The following IFIH1 variants were observed in gnomAD, a reference collection of about 807,000 sequenced individuals.
IFIH1 encodes the protein interferon-induced helicase C domain-containing protein 1.
IFIH1 carries 125 observed loss-of-function variants against 107.4 expected under a neutral mutation model. The observed-to-expected ratio is 1.16, with a 90% CI of 1.01 to 1.35. IFIH1 has a LOEUF of 1.35. IFIH1 is among the 40% of genes most tolerant of loss of function. IFIH1 has a pLI of 0.00. For synonymous variants in IFIH1, 458 were observed against 413.2 expected (o/e 1.11, Z -1.31); for missense variants, 1,333 against 1,213.7 (o/e 1.10, Z -1.46).
chr2:162,288,821 C>T (rs75082921), intron 4 of IFIH1, among the ~76,000 whole-genome samples: 5,245 of 151,580 alleles, frequency 0.035, 444 homozygotes, highest in Admixed American at 0.21. Context: ...CTCCCAATTC[C>T]GTATTTCCCC....
intron 4 of IFIH1, among the ~76,000 whole-genome samples, chr2:162,289,041 A>G (rs891952496): frequency 2.6e-5 from 4 of 151,442 alleles, no homozygotes; most frequent in Non-Finnish European, 4.4e-5. Context: ...AGAGGAAAAA[A>G]CTCTTCCTAT....
At chr2:162,283,981 T>A (rs747997876) in intron 5 of IFIH1, among the ~76,000 whole-genome samples, 5 of 144,994 alleles carry the variant, frequency 3.4e-5, no homozygotes, top group Non-Finnish European at 7.4e-5. Context: ...TTCATTTAGT[T>A]CTTTTTTTTT....
At chr2:162,279,524 T>A (rs1682769148) in intron 8 of IFIH1, among the ~76,000 whole-genome samples, 1 of 152,104 alleles carries the variant, frequency 6.6e-6, no homozygotes, top group South Asian at 2.1e-4. Flanking sequence ...ATTTCACTTC[T>A]TTACCATTGC....
intron 5 of IFIH1, among the ~76,000 whole-genome samples, chr2:162,287,650 C>G (rs1682920144): frequency 1.3e-5 from 2 of 152,014 alleles, no homozygotes; most frequent in South Asian, 4.1e-4. Flanking sequence ...TATCTCCAAA[C>G]CACATTATAT....
Position 162,281,487 on chromosome 2 carries a change from A to C in IFIH1, c.1365T>G (p.Asn455Lys). 3 of 1,612,030 alleles carry C rather than the reference A, an allele frequency of 1.9e-6. No homozygotes were observed. In the South Asian group the frequency reaches 3.3e-5, roughly 18 times the overall value. Residue 455 changes from asparagine (N) to lysine (K), a missense_variant, in exon 7 of 16, where the codon AAT becomes AAG. By Grantham distance (94) the Asn-to-Lys change is moderately conservative. Coordinates refer to ENST00000649979, the MANE Select transcript of IFIH1 (RefSeq NM_022168.4). The part of the protein sequence containing the change: ...CHHTNKEAVY[N>K]NIMRHYLMQK... Reference sequence around the variant, plus strand: ...GCATCAAATAATGCCTCATGATGTTATTATACACTGCTTCTTTGTTGGTGT... The same window carrying C: ...GCATCAAATAATGCCTCATGATGTTCTTATACACTGCTTCTTTGTTGGTGT...
Position 162,293,567 on chromosome 2 carries a change from A to T in IFIH1, c.871T>A (p.Ser291Thr), listed in dbSNP as rs777709086. ...GSDSGTMGSDSDEENVAARAS... is the reference protein window; with the variant it reads ...GSDSGTMGSDTDEENVAARAS... ...TTACACAACAGTTAGGCAGTACCTG[A>T]ATCACTTCCCATGGTGCCTGAATCA... is the stretch of plus-strand genomic sequence containing the variant. Residue 291 changes from serine (S) to threonine (T), a missense_variant, in exon 4 of 16, where the codon TCA (serine) becomes ACA (threonine). Transcript: ENST00000649979. 1.1e-5 allele frequency: 17 copies of T among 1,603,176 alleles called. No homozygotes were observed. The South Asian group carries it at 1.7e-4, about 16-fold the overall frequency.
intron 8 of IFIH1, among the ~76,000 whole-genome samples, chr2:162,278,719 A>G (rs1682752683): frequency 6.6e-6 from 1 of 152,192 alleles, no homozygotes; most frequent in Non-Finnish European, 1.5e-5. Context: ...TTTCAGTATT[A>G]TTTCGACCAA....
chr2:162,289,935 T>C (rs1008682444), intron 4 of IFIH1, among the ~76,000 whole-genome samples: 3 of 151,978 alleles, frequency 2.0e-5, no homozygotes, highest in African/African-American at 7.2e-5. Context: ...TGTAAGGCTC[T>C]GATTTATTTA....
intron 13 of IFIH1, among the ~76,000 whole-genome samples, chr2:162,269,959 A>T (rs923795028): frequency 6.6e-6 from 1 of 152,236 alleles, no homozygotes; most frequent in Non-Finnish European, 1.5e-5. Context: ...TTTATAAGAC[A>T]TTTACAGTTC....
chr2:162,308,763 C>CA (rs1013799360), intron 2 of IFIH1, among the ~76,000 whole-genome samples: 3 of 152,170 alleles, frequency 2.0e-5, no homozygotes, highest in African/African-American at 4.8e-5. Context: ...ATTAGGAGGA[C>CA]AAAATTCCAT....
At chr2:162,297,035 G>C (rs1471859256) in intron 3 of IFIH1, among the ~76,000 whole-genome samples, 2 of 151,894 alleles carry the variant, frequency 1.3e-5, no homozygotes, top group South Asian at 2.1e-4. Context: ...TGCTTTCATA[G>C]AAATATAAGT....
chr2:162,272,029 G>A (rs1691049827), intron 13 of IFIH1, among the ~76,000 whole-genome samples, 197 bp downstream of exon 13: 1 of 152,164 alleles, frequency 6.6e-6, no homozygotes. Context: ...CTGGAATGAG[G>A]AATGGCTCCC....
At chr2:162,311,911 T>C (rs923139477) in intron 1 of IFIH1, among the ~76,000 whole-genome samples, 4 of 152,210 alleles carry the variant, frequency 2.6e-5, no homozygotes, top group African/African-American at 9.6e-5. Context: ...TAAAAAATAC[T>C]GATGTCTAGG....
intron 1 of IFIH1, among the ~76,000 whole-genome samples, chr2:162,317,242 G>A (rs1223629990): frequency 1.3e-5 from 2 of 152,078 alleles, no homozygotes; most frequent in African/African-American, 4.8e-5. Flanking sequence ...GCATGACTGT[G>A]TTCCAATAAA....
At chr2:162,281,284 T>C in intron 7 of IFIH1, 44 bp downstream of exon 7, 1 of 1,486,636 alleles carries the variant, frequency 6.7e-7, no homozygotes, top group Non-Finnish European at 9.3e-7. Flanking sequence ...CTGGCATTTG[T>C]TTTAGCTTTG....
chr2:162,317,914 T>C lies in IFIH1; in HGVS notation c.394A>G (p.Arg132Gly). Residue 132 changes from arginine to glycine, a missense_variant, in exon 1 of 16, where the codon AGA becomes GGA. By Grantham distance (125) the Arg-to-Gly change is moderately radical. Transcript: ENST00000649979. The part of the protein sequence containing the change: ...QPTLVDKLLV[R>G]DVLDKCMEEE... ...TCCATGCACTTATCCAAGACGTCTCTAACTAGAAGCTTGTCCACCAGAGTG... is the reference window on the plus strand; with the variant it reads ...TCCATGCACTTATCCAAGACGTCTCCAACTAGAAGCTTGTCCACCAGAGTG... 1 of 1,613,412 alleles carries C rather than the reference T, an allele frequency of 6.2e-7. No homozygotes were observed. The highest frequency in any genetic ancestry group is 8.5e-7 in the Non-Finnish European group (1 of 1,179,598).
At position 162,267,475 on chromosome 2, in the gene IFIH1, T is replaced by C; in HGVS notation, c.2898+4A>G. On this transcript the variant is annotated splice_donor_region_variant and intron_variant, in intron 15 of 15. Transcript: ENST00000649979. ...TAAAATCTGGCCCACAGCAATTTACTCACCTGGCCACATTTGCAGATGATT... is the reference window on the plus strand; with the variant it reads ...TAAAATCTGGCCCACAGCAATTTACCCACCTGGCCACATTTGCAGATGATT... The C allele has an allele frequency of 6.2e-7, 1 of 1,613,282 alleles. No individual in the cohort carries two copies. The highest frequency in any genetic ancestry group is 8.5e-7 in the Non-Finnish European group (1 of 1,179,168).
At chr2:162,279,227 T>C (rs1196376171) in intron 8 of IFIH1, among the ~76,000 whole-genome samples, 1 of 152,006 alleles carries the variant, frequency 6.6e-6, no homozygotes, top group East Asian at 1.9e-4. Context: ...GCAGTCTTTT[T>C]CAGAATTTAA....
chr2:162,305,586 T>TAAAATAAAATAAAATAAAATAAAAC (rs1200132057), intron 3 of IFIH1, among the ~76,000 whole-genome samples: 2 of 151,646 alleles, frequency 1.3e-5, no homozygotes, highest in African/African-American at 4.8e-5. Context: ...TAAAATAAAA[T>TAAAATAAAATAAAATAAAATAAAAC]AAAATAAAAT....
Sources: gnomAD v4.1 joint callset for allele counts (sites outside exome capture counted in the v4.1 genomes callset) on GRCh38, gnomAD v4.1.1 for gene constraint, MANE v1.5 for transcripts, NCBI Gene and HGNC (gene_info 2026-07-23, HGNC 2026-07-21) for gene names.